PRMT3: variants seen among roughly 807,000 people sequenced by gnomAD.
PRMT3 encodes the protein protein arginine N-methyltransferase 3.
Under a neutral mutation model 71.9 loss-of-function variants are expected in PRMT3, and 62 were observed. The observed-to-expected ratio is 0.86, with a 90% confidence interval of 0.70 to 1.07. PRMT3 has a LOEUF of 1.07. PRMT3 is among the 50% of genes least tolerant of loss of function. The pLI, the probability that PRMT3 is intolerant of heterozygous loss-of-function variation, is 0.00. For synonymous variants in PRMT3, 213 were observed against 220.4 expected (o/e 0.97, Z 0.30); for missense variants, 663 against 643.0 (o/e 1.03, Z -0.34).
At chr11:20,488,502 G>A (rs1295806435) in intron 13 of PRMT3, among the ~76,000 whole-genome samples, 2 of 152,156 alleles carry the variant, frequency 1.3e-5, no homozygotes, top group Admixed American at 6.5e-5. Context: ...TGGATTACAA[G>A]CACTCTATCT....
intron 9 of PRMT3, among the ~76,000 whole-genome samples, chr11:20,411,864 T>C (rs1849200758): frequency 6.6e-6 from 1 of 152,176 alleles, no homozygotes; most frequent in African/African-American, 2.4e-5. Flanking sequence ...ATACAGCAGG[T>C]TCACAGTTGA....
chr11:20,505,053 T>C (rs1212780278), intron 15 of PRMT3, among the ~76,000 whole-genome samples: 1 of 152,172 alleles, frequency 6.6e-6, no homozygotes, highest in Non-Finnish European at 1.5e-5. Context: ...TTTGAAGCTG[T>C]TGTTTGTAGT....
chr11:20,507,247 T>C (rs1378122571), intron 15 of PRMT3, among the ~76,000 whole-genome samples: 3 of 152,218 alleles, frequency 2.0e-5, no homozygotes, highest in Non-Finnish European at 1.5e-5. Context: ...CAGCACACTT[T>C]AGACACATGC....
chr11:20,482,798 G>A (rs1000887543), intron 13 of PRMT3, among the ~76,000 whole-genome samples: 54 of 150,140 alleles, frequency 3.6e-4, no homozygotes, highest in African/African-American at 1.1e-3. Flanking sequence ...ATTAACAGGA[G>A]GAAATCACTC....
intron 7 of PRMT3, among the ~76,000 whole-genome samples, chr11:20,401,988 T>A (rs1301932435): frequency 1.3e-5 from 2 of 152,240 alleles, no homozygotes; most frequent in African/African-American, 4.8e-5. Flanking sequence ...AATGACTTTC[T>A]TAGAAAAACG....
intron 3 of PRMT3, among the ~76,000 whole-genome samples, chr11:20,391,793 C>A (rs1277006264): frequency 1.3e-5 from 2 of 152,234 alleles, no homozygotes; most frequent in East Asian, 3.9e-4. Flanking sequence ...CATTTAACTT[C>A]ATGTAAAAGC....
At chr11:20,455,456 A>G (rs964526114) in intron 11 of PRMT3, among the ~76,000 whole-genome samples, 1 of 152,126 alleles carries the variant, frequency 6.6e-6, no homozygotes, top group African/African-American at 2.4e-5. Context: ...TCTCTTGACT[A>G]TGGTGGTGAT....
intron 10 of PRMT3, among the ~76,000 whole-genome samples, chr11:20,447,533 A>G (rs1850058017): frequency 6.6e-6 from 1 of 152,180 alleles, no homozygotes; most frequent in East Asian, 1.9e-4. Context: ...GTCATATTAT[A>G]AAGGTACTTG....
intron 9 of PRMT3, among the ~76,000 whole-genome samples, chr11:20,416,227 C>T (rs899853977): frequency 1.3e-5 from 2 of 152,082 alleles, no homozygotes; most frequent in Admixed American, 6.6e-5. Context: ...ACTTAATTCT[C>T]CTCTATTTTA....
At position 20,395,970 on chromosome 11, in the gene PRMT3, A is replaced by G. The variant is rs369058739; in HGVS notation, c.560+8A>G. The G allele has an allele frequency of 5.6e-6, 9 of 1,611,532 alleles. No homozygotes were observed. In the African/African-American group the frequency reaches 1.1e-4, roughly 19 times the overall value. ...GGATCTGCAAAAAATGAAGTAATTT[A>G]TCAATCTTGCAAAATTAATTGTTTT... On this transcript the variant is annotated splice_region_variant and intron_variant, in intron 6 of 15. Transcript: ENST00000331079.
intron 9 of PRMT3, among the ~76,000 whole-genome samples, chr11:20,408,934 A>G (rs1046904663): frequency 6.6e-6 from 1 of 152,024 alleles, no homozygotes; most frequent in Non-Finnish European, 1.5e-5. Flanking sequence ...TCCTCTATAA[A>G]AAGTGTTTTA....
chr11:20,465,452 A>T (rs1225961872), intron 13 of PRMT3, among the ~76,000 whole-genome samples: 1 of 152,024 alleles, frequency 6.6e-6, no homozygotes, highest in Non-Finnish European at 1.5e-5. Context: ...TGTAAAATAG[A>T]TTATAAGTCA....
At chr11:20,490,030 G>C (rs10833335) in intron 13 of PRMT3, among the ~76,000 whole-genome samples, 2 of 147,730 alleles carry the variant, frequency 1.4e-5, no homozygotes, top group African/African-American at 5.0e-5. Flanking sequence ...TTTGAGGGTA[G>C]ACACCCATTT....
chr11:20,493,434 T>G (rs1851257261), intron 13 of PRMT3, among the ~76,000 whole-genome samples: 1 of 152,346 alleles, frequency 6.6e-6, no homozygotes, highest in Middle Eastern at 3.4e-3. Flanking sequence ...AAACCATTTT[T>G]ATCTGTTTGT....
chr11:20,463,590 CATTT>C (rs1354455861), intron 12 of PRMT3, among the ~76,000 whole-genome samples: 1 of 148,494 alleles, frequency 6.7e-6, no homozygotes, highest in African/African-American at 2.5e-5. Context: ...TTTTTTTTAA[CATTT>C]ATTTAAGTAA....
chr11:20,425,103 C>T (rs1182941556), intron 9 of PRMT3, among the ~76,000 whole-genome samples: 1 of 140,434 alleles, frequency 7.1e-6, no homozygotes, highest in Non-Finnish European at 1.5e-5. Context: ...GAGACCCTGT[C>T]TTTAAAAAAA....
Position 20,398,199 on chromosome 11 carries a change from G to T in PRMT3, c.705+478G>T, listed in dbSNP as rs566200671. ...ATTAAATTATATATTACCTTTTAAC[G>T]TGTAAAGGAAATGATTAATTTCAGT... On this transcript the variant is annotated intron_variant, in intron 7 of 15. Transcript: ENST00000331079. Among the ~76,000 whole-genome samples, 5 of 151,962 alleles carry T rather than the reference G, an allele frequency of 3.3e-5. No individual in the cohort carries two copies. The South Asian group carries it at 6.2e-4, about 19-fold the overall frequency.
chr11:20,392,800 A>G, intron 4 of PRMT3, 97 bp from the exon 5 acceptor site: 2 of 807,480 alleles, frequency 2.5e-6, no homozygotes, highest in Non-Finnish European at 2.0e-6. Flanking sequence ...GTGTAATGCA[A>G]ACATGATTTC....
chr11:20,423,912 C>G (rs61485412), intron 9 of PRMT3, among the ~76,000 whole-genome samples: 1 of 135,080 alleles, frequency 7.4e-6, no homozygotes, highest in Admixed American at 7.6e-5. Flanking sequence ...AGGCCAGGCG[C>G]GGTGGCTGAC....
Sources: allele counts gnomAD v4.1 joint callset (sites outside exome capture counted in the v4.1 genomes callset), GRCh38; gene constraint gnomAD v4.1.1; transcripts MANE v1.5; gene names NCBI Gene and HGNC (gene_info 2026-07-23, HGNC 2026-07-21).